CCDC171: variants seen among roughly 807,000 people sequenced by gnomAD.
The protein encoded by CCDC171 is coiled-coil domain-containing protein 171.
In CCDC171, 177 loss-of-function variants were observed where a neutral mutation model predicts 168.2. The observed-to-expected ratio is 1.05, with a 90% confidence interval of 0.93 to 1.19. The LOEUF is 1.19. Ranked by LOEUF, CCDC171 falls within the 50% of genes most tolerant of loss-of-function variation. CCDC171 has a pLI of 0.00. For missense variants in CCDC171, 1,991 were observed against 1,539.0 expected, an observed-to-expected ratio of 1.29 and a Z score of -4.91; for synonymous variants, 687 against 540.8, an observed-to-expected ratio of 1.27 and a Z score of -3.75.
At chr9:15,894,682 G>C (rs147946024) in intron 24 of CCDC171, among the ~76,000 whole-genome samples, 1 of 151,946 alleles carries the variant, frequency 6.6e-6, no homozygotes, top group East Asian at 1.9e-4. Flanking sequence ...GAGGCTTTGT[G>C]CTTGGTGGTC....
intron 7 of CCDC171, among the ~76,000 whole-genome samples, chr9:15,647,791 G>A (rs1247442441): frequency 2.6e-5 from 4 of 152,126 alleles, no homozygotes; most frequent in African/African-American, 9.7e-5. Context: ...AGGACCAGAC[G>A]ATTCACAGCC....
At chr9:15,978,932 C>G (rs773994858), downstream of CCDC171, among the ~76,000 whole-genome samples, 6 of 152,134 alleles carry the variant, frequency 3.9e-5, no homozygotes, top group African/African-American at 1.4e-4. Context: ...CCATAATCTA[C>G]TTTCTATCTC....
intron 6 of CCDC171, among the ~76,000 whole-genome samples, chr9:15,610,465 A>C (rs1371612923): frequency 2.8e-5 from 4 of 140,912 alleles, no homozygotes; most frequent in Non-Finnish European, 3.1e-5. Context: ...AAAAAAAAAA[A>C]AAAAAAAAAA....
At chr9:16,010,526 C>A (rs1366121726) in intron 3 of CCDC171, among the ~76,000 whole-genome samples, 4 of 152,086 alleles carry the variant, frequency 2.6e-5, no homozygotes, top group Admixed American at 1.3e-4. Context: ...CTCGCTCCCC[C>A]TCAGTGCTTC....
At chr9:15,726,751 T>A (rs1028946914) in intron 14 of CCDC171, among the ~76,000 whole-genome samples, 1 of 152,120 alleles carries the variant, frequency 6.6e-6, no homozygotes, top group African/African-American at 2.4e-5. Flanking sequence ...TTTTTAAAAA[T>A]CTATAATAGA....
chr9:15,760,808 C>T (rs1032747450), intron 18 of CCDC171, among the ~76,000 whole-genome samples: 2 of 152,112 alleles, frequency 1.3e-5, no homozygotes, highest in African/African-American at 4.8e-5. Context: ...GGCAAAGACC[C>T]CAGTTTTCAT....
intron 21 of CCDC171, among the ~76,000 whole-genome samples, chr9:15,825,685 G>C (rs552068714): frequency 6.6e-6 from 1 of 152,154 alleles, no homozygotes; most frequent in South Asian, 2.1e-4. Context: ...TTTCTCTCTA[G>C]GAGAGATTTT....
At chr9:15,696,136 C>G (rs1242327951) in intron 11 of CCDC171, among the ~76,000 whole-genome samples, 1 of 152,162 alleles carries the variant, frequency 6.6e-6, no homozygotes, top group African/African-American at 2.4e-5. Flanking sequence ...AATTAAATTT[C>G]TCACTCTTAA....
chr9:16,008,830 C>T (rs1832780053), intron 3 of CCDC171, among the ~76,000 whole-genome samples: 1 of 152,118 alleles, frequency 6.6e-6, no homozygotes, highest in South Asian at 2.1e-4. Context: ...ATTATCGCTG[C>T]CCTGGGTTCC....
At chr9:15,883,783 C>G (rs1340332076) in intron 24 of CCDC171, among the ~76,000 whole-genome samples, 1 of 152,132 alleles carries the variant, frequency 6.6e-6, no homozygotes, top group East Asian at 1.9e-4. Context: ...TAAGGAAAAT[C>G]TGGTAGGACT....
downstream of CCDC171, among the ~76,000 whole-genome samples, chr9:15,974,745 C>T (rs1044783085): frequency 6.6e-6 from 1 of 152,142 alleles, no homozygotes; most frequent in Admixed American, 6.6e-5. Flanking sequence ...AGAATGATCA[C>T]TTTAATTTAC....
intron 7 of CCDC171, among the ~76,000 whole-genome samples, chr9:15,623,648 T>G (rs1460918572): frequency 6.6e-6 from 1 of 152,128 alleles, no homozygotes; most frequent in Non-Finnish European, 1.5e-5. Flanking sequence ...TTTGCCCTAG[T>G]TTAAAAAAAT....
intron 18 of CCDC171, among the ~76,000 whole-genome samples, chr9:15,749,302 G>C (rs1277645561): frequency 6.6e-6 from 1 of 152,062 alleles, no homozygotes; most frequent in Non-Finnish European, 1.5e-5. Context: ...CCCAATACAG[G>C]AGCACCCAGA....
At chr9:16,027,573 G>T (rs1833298027) in intron 6 of CCDC171, among the ~76,000 whole-genome samples, 1 of 152,198 alleles carries the variant, frequency 6.6e-6, no homozygotes, top group African/African-American at 2.4e-5. Context: ...ATGGAAAGGC[G>T]CTTGTGTATG....
At chr9:15,955,842 A>G (rs1353928193) in intron 25 of CCDC171, among the ~76,000 whole-genome samples, 1 of 152,152 alleles carries the variant, frequency 6.6e-6, no homozygotes, top group African/African-American at 2.4e-5. Flanking sequence ...TAGTGAGGAA[A>G]CAGACGTGTG....
the CCDC171 span, among the ~76,000 whole-genome samples, chr9:16,096,529 C>G: frequency 6.6e-6 from 1 of 152,188 alleles, no homozygotes; most frequent in Non-Finnish European, 1.5e-5. Flanking sequence ...CTTGCTTTAT[C>G]CTGCCGTGTG....
At chr9:15,631,557 T>A (rs1453680600) in intron 7 of CCDC171, among the ~76,000 whole-genome samples, 1 of 151,938 alleles carries the variant, frequency 6.6e-6, no homozygotes, top group African/African-American at 2.4e-5. Flanking sequence ...AAGTCCAGGA[T>A]CAGTTGGATT....
chr9:15,630,613 T>G (rs1012509934), intron 7 of CCDC171, among the ~76,000 whole-genome samples: 1 of 152,164 alleles, frequency 6.6e-6, no homozygotes, highest in African/African-American at 2.4e-5. Context: ...ATTAGACAGA[T>G]CAACTGGACA....
intron 21 of CCDC171, among the ~76,000 whole-genome samples, chr9:15,827,284 G>T (rs938386290): frequency 1.3e-5 from 2 of 152,168 alleles, no homozygotes; most frequent in Non-Finnish European, 2.9e-5. Context: ...GGGGACATGT[G>T]GGTGTGGTTG....
Sources: allele counts gnomAD v4.1 joint callset (sites outside exome capture counted in the v4.1 genomes callset), GRCh38; gene constraint gnomAD v4.1.1; transcripts MANE v1.5; gene names NCBI Gene and HGNC (gene_info 2026-07-23, HGNC 2026-07-21).